ZBED1: variants seen among roughly 807,000 people sequenced by gnomAD.
The protein encoded by ZBED1 is zinc finger BED-type containing 1.
In ZBED1, 19 loss-of-function variants were observed where a neutral mutation model predicts 49.7. The observed-to-expected ratio is 0.38, with a 90% confidence interval of 0.27 to 0.56. The LOEUF (loss-of-function observed/expected upper bound fraction) is 0.56, where lower values mean the gene tolerates loss of function less well. Ranked by LOEUF, ZBED1 falls within the 20% of genes least tolerant of loss-of-function variation. The pLI is 0.70. For missense variants in ZBED1, 806 were observed against 972.6 expected (o/e 0.83, Z 2.28); for synonymous variants, 439 against 440.3 (o/e 1.00, Z 0.04).
Position 2,500,857 on chromosome X carries a change from C to G in ZBED1, c.-94G>C. The stretch of plus-strand genomic sequence containing the variant: ...CCCCGCGGCAGCGCCGCAGCAGCTG[C>G]GCCAGGATCACCGCGGCGCCTACCG... On this transcript the variant is annotated 5_prime_UTR_variant, in exon 1 of 2. Transcript: ENST00000652001. 1 of 1,161,436 alleles carries G rather than the reference C, an allele frequency of 8.6e-7. No individual in the cohort carries two copies. Among genetic ancestry groups the G allele is most frequent in the Non-Finnish European group, 1.1e-6 (1 of 936,638 alleles). The allele number at this position is 1,161,436 out of a possible 1,614,324, so 71.9% of individuals were successfully genotyped here.
Position 2,488,395 on chromosome X carries a change from G to C in ZBED1, c.*240C>G, listed in dbSNP as rs747586768. 8.3e-6 allele frequency: 4 copies of C among 479,058 alleles called. No individual in the cohort carries two copies. Among genetic ancestry groups the C allele is most frequent in the Admixed American group, 7.7e-5 (2 of 25,818 alleles). The allele number at this position is 479,058 out of a possible 1,614,324, so 29.7% of individuals were successfully genotyped here. On this transcript the variant is annotated 3_prime_UTR_variant, in exon 2 of 2. Coordinates refer to ENST00000652001, the MANE Select transcript of ZBED1 (RefSeq NM_001171136.2). The stretch of plus-strand genomic sequence containing the variant: ...TCGCCATGTTGGCCAGGCTGGTCTC[G>C]ATCTCCTGACCTCAGCTGATCTGCC...
At position 2,489,252 on chromosome X, in the gene ZBED1, G is replaced by A. The variant is rs751355986; in HGVS notation, c.1468C>T (p.Arg490Trp). 5 of 1,613,906 alleles carry A rather than the reference G, an allele frequency of 3.1e-6. No individual in the cohort carries two copies. The highest frequency in any genetic ancestry group is 2.2e-5 in the East Asian group (1 of 44,874). ...ACCACGCGATTCTCCACCTGCTGCC[G>A]CTCGAAGGCGGAGAGGAAGGGCAGC... ...KRLPFLSAFE[R>W]QQVENRVVEE... is the part of the protein sequence containing the mutation. The change falls in exon 2 of 2, where the codon CGG (arginine) becomes TGG (tryptophan). Residue 490 changes from arginine to tryptophan, a missense_variant. By Grantham distance (101) the Arg-to-Trp change is moderately radical. Around this residue, in one of 2 missense-constraint regions of ZBED1, gnomAD observed 749 missense variants for 861.3 expected, o/e 0.87. Transcript: ENST00000652001.
Position 2,489,097 on chromosome X carries a change from G to A in ZBED1, c.1623C>T (p.Ala541=), listed in dbSNP as rs1393757850. 6 of 1,613,644 alleles carry A rather than the reference G, an allele frequency of 3.7e-6. No homozygotes were observed. The South Asian group carries it at 6.6e-5, about 18-fold the overall frequency. ...CGGCCAGCATGTTGTTGATGACGCT[G>A]GCGGGCGGCGGCGTGGATGTCCGCA... is the stretch of plus-strand genomic sequence containing the variant. ...KLMRTSTPPP[A]SVINNMLAEI... The change falls in exon 2 of 2, where the codon GCC becomes GCT. Residue 541 remains alanine, a synonymous_variant. Transcript: ENST00000652001.
chrX:2,493,578 G>A (rs763129865), intron 1 of ZBED1, among the ~76,000 whole-genome samples: 2 of 152,054 alleles, frequency 1.3e-5, no homozygotes, highest in South Asian at 2.1e-4. Flanking sequence ...GGCTGGAAGA[G>A]GTCCCAGTAC....
intron 1 of ZBED1, among the ~76,000 whole-genome samples, chrX:2,493,978 A>G (rs2045222335): frequency 7.7e-6 from 1 of 130,590 alleles, no homozygotes; most frequent in Non-Finnish European, 1.6e-5. Context: ...GTCTCAAAGA[A>G]AGAAGAAAAC....
chrX:2,494,831 T>C (rs1038165065), intron 1 of ZBED1, among the ~76,000 whole-genome samples: 52 of 151,962 alleles, frequency 3.4e-4, no homozygotes, highest in African/African-American at 1.3e-3. Flanking sequence ...ATTATCATTA[T>C]AATTATTATT....
chrX:2,500,815 ACCTGGCTCCAGG>A lies in ZBED1; in HGVS notation c.-64_-54+1del. ...CCCTGACCCCTGCCCCGCCCCGCTGACCTGGCTCCAGGAAGCCCCCGCGGCAGCGCCGCAGCA... is the reference window on the plus strand; with the variant it reads ...CCCTGACCCCTGCCCCGCCCCGCTGAAAGCCCCCGCGGCAGCGCCGCAGCA... On this transcript the variant is annotated splice_donor_variant and 5_prime_UTR_variant, in exon 1 of 2. Transcript: ENST00000652001. LOFTEE classifies it low-confidence loss of function (5UTR_SPLICE). The A allele has an allele frequency of 1.8e-6, 2 of 1,104,008 alleles. No individual in the cohort carries two copies. The highest frequency in any genetic ancestry group is 2.2e-6 in the Non-Finnish European group (2 of 908,460). 68.4% of individuals were successfully genotyped at this position (1,104,008 alleles called of 1,614,324 possible). A position where few individuals can be genotyped will look rare whatever the true frequency, so the allele number is the denominator to read the frequency against.
intron 1 of ZBED1, among the ~76,000 whole-genome samples, chrX:2,491,019 G>A (rs2045124502): frequency 2.0e-5 from 3 of 151,960 alleles, no homozygotes; most frequent in East Asian, 3.9e-4. Flanking sequence ...ACAGGTTTGC[G>A]AGTGAGCACG....
At position 2,500,893 on chromosome X, in the gene ZBED1, C is replaced by G. The variant is rs1160589797; in HGVS notation, c.-130G>C. 8.8e-7 allele frequency: 1 copy of G among 1,135,528 alleles called. No individual in the cohort carries two copies. Among genetic ancestry groups the G allele is most frequent in the Non-Finnish European group, 1.1e-6 (1 of 922,642 alleles). 70.3% of individuals were successfully genotyped at this position (1,135,528 alleles called of 1,614,324 possible). A position where few individuals can be genotyped will look rare whatever the true frequency, so the allele number is the denominator to read the frequency against. On this transcript the variant is annotated 5_prime_UTR_variant, in exon 1 of 2. Coordinates refer to ENST00000652001, the MANE Select transcript of ZBED1 (RefSeq NM_001171136.2). ...CCGCGGCGCCTACCGCGTAGACCCG[C>G]AGGGCCGCCCGCGCCGCAGACAATG... is the stretch of plus-strand genomic sequence containing the variant.
rs760454896 is a variant in ZBED1, at chrX:2,489,506, T to C, written c.1214A>G (p.Lys405Arg). Residue 405 changes from lysine to arginine, a missense_variant, in exon 2 of 2, where the codon AAG (lysine) becomes AGG (arginine). Lys to Arg is a conservative substitution (Grantham distance 26, BLOSUM62 2). Transcript: ENST00000652001. ...GGCCGACAGCATCTCGGCCACCTGCTTGAAGGGCTGCAGGAGCTCCACCAG... is the reference window on the plus strand; with the variant it reads ...GGCCGACAGCATCTCGGCCACCTGCCTGAAGGGCTGCAGGAGCTCCACCAG... ...EGLVELLQPF[K>R]QVAEMLSASR... The C allele has an allele frequency of 4.3e-5, 69 of 1,613,232 alleles. No homozygotes were observed. The Admixed American group carries it at 1.1e-3, about 26-fold the overall frequency.
At chrX:2,500,785 C>G (rs1603193573) in intron 1 of ZBED1, 32 bp downstream of exon 1, 1 of 1,067,752 alleles carries the variant, frequency 9.4e-7, no homozygotes. Flanking sequence ...CCCGGGTCCC[C>G]GGAGCCCTGA....
In ZBED1 at chrX:2,489,552, C is replaced by T; in HGVS notation, c.1168G>A (p.Glu390Lys). 1.2e-6 allele frequency: 2 copies of T among 1,612,750 alleles called. No individual in the cohort carries two copies. The highest frequency in any genetic ancestry group is 1.3e-5 in the African/African-American group (1 of 75,012). Residue 390 changes from glutamate (E) to lysine (K), a missense_variant, in exon 2 of 2, where the codon GAG (glutamate) becomes AAG (lysine). Glu to Lys is a moderately conservative substitution (Grantham distance 56). Around this residue, in one of 2 missense-constraint regions of ZBED1, gnomAD observed 749 missense variants for 861.3 expected, o/e 0.87. Coordinates refer to ENST00000652001, the MANE Select transcript of ZBED1 (RefSeq NM_001171136.2). ...NNHHLMLEAS[E>K]WATIEGLVEL... Reference sequence around the variant, plus strand: ...ACCAGCCCCTCGATGGTGGCCCACTCGCTGGCCTCCAGCATGAGGTGGTGG... The same window carrying T: ...ACCAGCCCCTCGATGGTGGCCCACTTGCTGGCCTCCAGCATGAGGTGGTGG...
chrX:2,488,685 C>A lies in ZBED1; in HGVS notation c.2035G>T (p.Asp679Tyr). 1.9e-6 allele frequency: 3 copies of A among 1,613,354 alleles called. No homozygotes were observed. The highest frequency in any genetic ancestry group is 2.5e-6 in the Non-Finnish European group (3 of 1,179,710). Reference sequence around the variant, plus strand: ...CCAAAGAAACCGCCGCTGACGCCATCCCCCAAGGAGAACACCTGCTCCTGG... The same window carrying A: ...CCAAAGAAACCGCCGCTGACGCCATACCCCAAGGAGAACACCTGCTCCTGG... ...LDQEQVFSLG[D>Y]GVSGGFFGIR... The change falls in exon 2 of 2, where the codon GAT becomes TAT. Residue 679 changes from aspartate (D) to tyrosine (Y), a missense_variant. By Grantham distance (160) the Asp-to-Tyr change is radical (BLOSUM62 -3). This residue lies in a region of ZBED1 where 749 missense variants were observed against 861.3 expected (regional missense o/e 0.87). Coordinates refer to ENST00000652001, the MANE Select transcript of ZBED1 (RefSeq NM_001171136.2).
rs1412534655 is a variant in ZBED1 at position 2,488,964 on chromosome X, C to T, written c.1756G>A (p.Asp586Asn). Reference protein sequence around the residue: ...KSQKVLGLNEDPLKWWSDRLA... With the variant: ...KSQKVLGLNENPLKWWSDRLA... ...CGGTCTGACCACCACTTGAGGGGGT[C>T]TTCGTTGAGGCCAAGCACCTTCTGG... Residue 586 changes from aspartate (D) to asparagine (N), a missense_variant, in exon 2 of 2, where the codon GAC becomes AAC. By Grantham distance (23) the Asp-to-Asn change is conservative. Transcript: ENST00000652001. The T allele has an allele frequency of 8.8e-6, 14 of 1,596,304 alleles. No homozygotes were observed. Among genetic ancestry groups the T allele is most frequent in the Non-Finnish European group, 8.5e-7 (1 of 1,169,886 alleles).
rs1556538174 is a variant in ZBED1, at chrX:2,487,801, T to TTA, written c.*833_*834insTA. The stretch of plus-strand genomic sequence containing the variant: ...ATCTGTCACATTTTTAACCGAACAT[T>TTA]AAAAAAAAAGGTCTCTCTTTTTAAG... On this transcript the variant is annotated 3_prime_UTR_variant, in exon 2 of 2. Coordinates refer to ENST00000652001, the MANE Select transcript of ZBED1 (RefSeq NM_001171136.2). The TTA allele has an allele frequency of 6.6e-6, 1 of 150,508 alleles. No homozygotes were observed. Among genetic ancestry groups the TTA allele is most frequent in the Non-Finnish European group, 1.5e-5 (1 of 67,616 alleles). 9.3% of individuals were successfully genotyped at this position (150,508 alleles called of 1,614,324 possible). A position where few individuals can be genotyped will look rare whatever the true frequency, so the allele number is the denominator to read the frequency against.
At chrX:2,494,431 T>C (rs2045232370) in intron 1 of ZBED1, among the ~76,000 whole-genome samples, 1 of 151,998 alleles carries the variant, frequency 6.6e-6, no homozygotes, top group South Asian at 2.1e-4. Flanking sequence ...GAGGTCCCAG[T>C]AACAGAACAA....
chrX:2,489,831 C>T lies in ZBED1; in HGVS notation c.889G>A (p.Ala297Thr). The T allele has an allele frequency of 6.2e-7, 1 of 1,613,662 alleles. No individual in the cohort carries two copies. The highest frequency in any genetic ancestry group is 8.5e-7 in the Non-Finnish European group (1 of 1,179,878). Residue 297 changes from alanine (A) to threonine (T), a missense_variant, in exon 2 of 2, where the codon GCC (alanine) becomes ACC (threonine). Ala to Thr is a moderately conservative substitution (Grantham distance 58). This residue lies in a region of ZBED1 where 749 missense variants were observed against 861.3 expected (regional missense o/e 0.87). Coordinates refer to ENST00000652001, the MANE Select transcript of ZBED1 (RefSeq NM_001171136.2). ...AGCTGGAAGGCCTGCTGGATGCCGG[C>T]ATTGAAGGTGTGGCCCAGGCAGGGC... Reference protein sequence around the residue: ...HMPCLGHTFNAGIQQAFQLPK... With the variant: ...HMPCLGHTFNTGIQQAFQLPK...
intron 1 of ZBED1, chrX:2,500,319 G>T (rs1382170722): frequency 5.3e-6 from 1 of 188,752 alleles, no homozygotes; most frequent in East Asian, 1.3e-4. Context: ...ACCCTGGGGT[G>T]GGTAGGGGTC....
chrX:2,488,690 AAGG>A lies in ZBED1; in HGVS notation c.2027_2029del (p.Ser676del), dbSNP rs1183875705. 3 of 1,613,392 alleles carry A rather than the reference AAGG, an allele frequency of 1.9e-6. No homozygotes were observed. The highest frequency in any genetic ancestry group is 2.5e-6 in the Non-Finnish European group (3 of 1,179,762). The stretch of plus-strand genomic sequence containing the variant: ...GAAACCGCCGCTGACGCCATCCCCC[AAGG>A]AGAACACCTGCTCCTGGTCCAGGCC... On this transcript the variant is annotated inframe_deletion, in exon 2 of 2. Transcript: ENST00000652001.
Sources: gnomAD v4.1 joint callset for allele counts (sites outside exome capture counted in the v4.1 genomes callset) on GRCh38, gnomAD v4.1.1 for gene constraint, gnomAD v4.1.1 regional missense constraint, MANE v1.5 for transcripts, NCBI Gene and HGNC (gene_info 2026-07-23, HGNC 2026-07-21) for gene names.